Variants in KIF5B observed in about 807,000 individuals in gnomAD.
The protein encoded by KIF5B is kinesin family member 5B.
Under a neutral mutation model 132.8 loss-of-function variants are expected in KIF5B, and 49 were observed. The ratio of observed to expected loss-of-function variants is 0.37; its 90% confidence interval spans 0.29 to 0.47. The LOEUF (loss-of-function observed/expected upper bound fraction) is 0.47. KIF5B is among the 20% of genes least tolerant of loss of function. The pLI is 1.00. For missense variants in KIF5B, 780 were observed against 1,144.0 expected, an observed-to-expected ratio of 0.68 and a Z score of 4.59; for synonymous variants, 355 against 369.4, an observed-to-expected ratio of 0.96 and a Z score of 0.45.
chr10:32,046,569 G>C (rs142994741), intron 2 of KIF5B, among the ~76,000 whole-genome samples: 32 of 152,114 alleles, frequency 2.1e-4, no homozygotes, highest in African/African-American at 7.7e-4. Context: ...AATTTTCTGC[G>C]ATCTTATTCT....
chr10:32,032,254 T>C (rs192644318), intron 13 of KIF5B, among the ~76,000 whole-genome samples: 78 of 152,150 alleles, frequency 5.1e-4, no homozygotes, highest in African/African-American at 1.8e-3. Context: ...TAGTGCCCCT[T>C]TGAGGAATAA....
intron 1 of KIF5B, among the ~76,000 whole-genome samples, chr10:32,051,359 T>C (rs1202911643): frequency 6.6e-6 from 1 of 152,148 alleles, no homozygotes; most frequent in African/African-American, 2.4e-5. Context: ...ATGCCTGGCC[T>C]CAATTTTTAC....
intron 25 of KIF5B, among the ~76,000 whole-genome samples, chr10:32,011,781 A>C (rs1311619395): frequency 6.6e-6 from 1 of 152,152 alleles, no homozygotes; most frequent in African/African-American, 2.4e-5. Flanking sequence ...TATTCTCCCA[A>C]ATAAAGCTAT....
chr10:32,025,622 C>T (rs926811843), intron 15 of KIF5B, among the ~76,000 whole-genome samples: 3 of 143,214 alleles, frequency 2.1e-5, no homozygotes, highest in East Asian at 2.0e-4. Context: ...GTGATCTGCC[C>T]GCCTCGGCCT....
intron 15 of KIF5B, among the ~76,000 whole-genome samples, chr10:32,024,229 A>ACTG (rs950326523): frequency 6.6e-5 from 8 of 120,528 alleles, no homozygotes; most frequent in Admixed American, 5.7e-4. Context: ...ATCTCGGCTC[A>ACTG]CTGCAAGCTC....
intron 22 of KIF5B, 31 bp downstream of exon 22, chr10:32,018,285 G>A (rs374575412): frequency 1.2e-4 from 185 of 1,486,464 alleles, no homozygotes; most frequent in Non-Finnish European, 1.6e-4. Context: ...CACCATTTAT[G>A]CAAACGCCTA....
Position 32,040,392 on chromosome 10 carries a change from T to C in KIF5B, c.280A>G (p.Thr94Ala), listed in dbSNP as rs1284049266. The C allele has an allele frequency of 6.3e-7, 1 of 1,583,974 alleles. No homozygotes were observed. Among genetic ancestry groups the C allele is most frequent in the Non-Finnish European group, 8.7e-7 (1 of 1,152,800 alleles). Reference protein sequence around the residue: ...YGQTSSGKTHTMEGKLHDPEG... With the variant: ...YGQTSSGKTHAMEGKLHDPEG... ...AGATTATAAAACGTTACCTCCATTG[T>C]GTGTGTCTTCCCAGAGGATGTTTGT... The change falls in exon 3 of 26, where the codon ACA (threonine) becomes GCA (alanine). Residue 94 changes from threonine (T) to alanine (A), a missense_variant. Coordinates refer to ENST00000302418, the MANE Select transcript of KIF5B (RefSeq NM_004521.3).
At chr10:32,026,922 C>T (rs1468459902) in intron 15 of KIF5B, among the ~76,000 whole-genome samples, 1 of 152,132 alleles carries the variant, frequency 6.6e-6, no homozygotes, top group African/African-American at 2.4e-5. Context: ...CATAGTGAGT[C>T]CACTGAAGAA....
rs1310526056 is a variant in KIF5B at position 32,022,168 on chromosome 10, A to T, written c.2004T>A (p.Ser668Arg). The T allele has an allele frequency of 5.0e-6, 8 of 1,608,790 alleles. No homozygotes were observed. The highest frequency in any genetic ancestry group is 1.3e-5 in the African/African-American group (1 of 74,826). ...RQLEESVDAL[S>R]EELVQLRAQE... ...GTGCTCGAAGCTGGACTAGTTCTTC[A>T]CTGAGGGCATCGACAGATTCCTCCA... The change falls in exon 17 of 26, where the codon AGT becomes AGA. Residue 668 changes from serine to arginine, a missense_variant. Physicochemically the swap from Ser to Arg is moderately radical, Grantham distance 110. Coordinates refer to ENST00000302418, the MANE Select transcript of KIF5B (RefSeq NM_004521.3).
At chr10:32,031,399 A>C in intron 13 of KIF5B, 120 bp from the exon 14 acceptor site, 1 of 726,304 alleles carries the variant, frequency 1.4e-6, no homozygotes, top group Non-Finnish European at 2.3e-6. Context: ...TCAGTGTGGC[A>C]ACATTTATTC....
intron 12 of KIF5B, among the ~76,000 whole-genome samples, 183 bp from the exon 13 acceptor site, chr10:32,032,957 A>G (rs939694504): frequency 6.6e-6 from 1 of 152,222 alleles, no homozygotes; most frequent in African/African-American, 2.4e-5. Flanking sequence ...TTCAATTATC[A>G]ATACTTATAA....
chr10:32,020,023 A>G, intron 19 of KIF5B, 64 bp from the exon 20 acceptor site: 1 of 1,098,122 alleles, frequency 9.1e-7, no homozygotes, highest in Non-Finnish European at 1.3e-6. Context: ...GTCATCATTA[A>G]AATTTCCAAA....
intron 16 of KIF5B, 43 bp from the exon 17 acceptor site, chr10:32,022,300 A>G: frequency 1.1e-6 from 1 of 897,722 alleles, no homozygotes; most frequent in Non-Finnish European, 1.8e-6. Context: ...AAACATATGC[A>G]TACACTTTAA....
chr10:32,040,875 C>G (rs1326243296), intron 2 of KIF5B, among the ~76,000 whole-genome samples: 1 of 151,538 alleles, frequency 6.6e-6, no homozygotes, highest in African/African-American at 2.4e-5. Context: ...GTAGTCCCAG[C>G]TACTCAGGAG....
At chr10:32,040,657 A>ACACACACACACACACACC (rs370537671) in intron 2 of KIF5B, among the ~76,000 whole-genome samples, 200 bp from the exon 3 acceptor site, 24 of 137,690 alleles carry the variant, frequency 1.7e-4, no homozygotes, top group Non-Finnish European at 2.4e-4. Flanking sequence ...ACACACACAC[A>ACACACACACACACACACC]CCCTCTTCCT....
chr10:32,016,829 C>A (rs1222635241), intron 24 of KIF5B, among the ~76,000 whole-genome samples: 1 of 152,226 alleles, frequency 6.6e-6, no homozygotes, highest in African/African-American at 2.4e-5. Context: ...AGCCGCTGCG[C>A]CCAGCCACCA....
chr10:32,025,623 G>A (rs1034067503), intron 15 of KIF5B, among the ~76,000 whole-genome samples: 1 of 142,766 alleles, frequency 7.0e-6, no homozygotes, highest in Non-Finnish European at 1.6e-5. Context: ...TGATCTGCCC[G>A]CCTCGGCCTC....
At chr10:32,034,073 C>T (rs530460087) in intron 11 of KIF5B, 35 bp from the exon 12 acceptor site, 25 of 1,323,674 alleles carry the variant, frequency 1.9e-5, no homozygotes, top group South Asian at 1.6e-4. Flanking sequence ...AATAAAAAAA[C>T]GACGTCTAAA....
chr10:32,020,114 C>T (rs764862636), intron 19 of KIF5B, among the ~76,000 whole-genome samples, 155 bp from the exon 20 acceptor site: 8 of 152,164 alleles, frequency 5.3e-5, no homozygotes, highest in Non-Finnish European at 1.2e-4. Flanking sequence ...GACCTGGCTA[C>T]TTGTGGACAT....
Sources: allele counts gnomAD v4.1 joint callset (sites outside exome capture counted in the v4.1 genomes callset), GRCh38; gene constraint gnomAD v4.1.1; transcripts MANE v1.5; gene names NCBI Gene and HGNC (gene_info 2026-07-23, HGNC 2026-07-21).